The following SPARCL1 variants were observed in gnomAD, a reference collection of about 807,000 sequenced individuals.
SPARCL1 encodes the protein SPARC-like protein 1.
Under a neutral mutation model 67.1 loss-of-function variants are expected in SPARCL1, and 52 were observed. The observed-to-expected ratio is 0.78, with a 90% CI of 0.62 to 0.98. SPARCL1 has a LOEUF of 0.98. SPARCL1 is among the 50% of genes least tolerant of loss of function. SPARCL1 has a pLI of 0.00. For synonymous variants in SPARCL1, 226 were observed against 267.8 expected (o/e 0.84, Z 1.52); for missense variants, 717 against 782.4 (o/e 0.92, Z 1.00).
At chr4:87,504,135 T>TTGTGTGTGTGTGTGTG (rs70957258) in intron 1 of SPARCL1, among the ~76,000 whole-genome samples, 2 of 30,934 alleles carry the variant, frequency 6.5e-5, no homozygotes, top group Non-Finnish European at 1.4e-4. Context: ...TGATTTGGTA[T>TTGTGTGTGTGTGTGTG]TGTGTGTGTG....
intron 1 of SPARCL1, among the ~76,000 whole-genome samples, chr4:87,510,144 C>T (rs1378216250): frequency 6.6e-6 from 1 of 152,070 alleles, no homozygotes; most frequent in East Asian, 1.9e-4. Flanking sequence ...AATTATTTTA[C>T]TATTATCTAC....
chr4:87,514,634 A>G (rs1243689462), intron 1 of SPARCL1, among the ~76,000 whole-genome samples: 1 of 152,194 alleles, frequency 6.6e-6, no homozygotes. Flanking sequence ...GTGTTCTTCC[A>G]TTGTGTTCCA....
chr4:87,489,599 G>A (rs576169611), intron 7 of SPARCL1, among the ~76,000 whole-genome samples: 3 of 152,320 alleles, frequency 2.0e-5, no homozygotes, highest in African/African-American at 7.2e-5. Context: ...GTTTGTGGTG[G>A]CAAAGGAGCA....
chr4:87,518,885 C>G (rs1725689873), intron 1 of SPARCL1, among the ~76,000 whole-genome samples: 1 of 152,018 alleles, frequency 6.6e-6, no homozygotes, highest in Admixed American at 6.6e-5. Flanking sequence ...TGTTTGGTCC[C>G]CAGTAAAAGG....
At chr4:87,491,281 A>G (rs1157882125) in intron 5 of SPARCL1, among the ~76,000 whole-genome samples, 3 of 152,314 alleles carry the variant, frequency 2.0e-5, no homozygotes, top group African/African-American at 7.2e-5. Context: ...AAGGTCCTTT[A>G]TCAAGTATGG....
intron 1 of SPARCL1, among the ~76,000 whole-genome samples, chr4:87,507,457 T>A (rs1725129587): frequency 2.1e-5 from 1 of 47,592 alleles, no homozygotes; most frequent in Admixed American, 2.4e-4. Context: ...ACTAATCCAT[T>A]TTTTTTAAAT....
At chr4:87,492,157 C>T (rs978128724) in intron 4 of SPARCL1, among the ~76,000 whole-genome samples, 4 of 150,002 alleles carry the variant, frequency 2.7e-5, no homozygotes, top group African/African-American at 9.8e-5. Flanking sequence ...AGAAATGGAG[C>T]CTGTAATCCC....
chr4:87,508,600 A>C (rs1725208627), intron 1 of SPARCL1, among the ~76,000 whole-genome samples: 1 of 152,002 alleles, frequency 6.6e-6, no homozygotes, highest in South Asian at 2.1e-4. Flanking sequence ...AAGGTAGGTA[A>C]AGGCAGAGGA....
In SPARCL1 at chr4:87,494,969, T is replaced by C; in HGVS notation, c.201+12A>G. 1 of 1,587,046 alleles carries C rather than the reference T, an allele frequency of 6.3e-7. No homozygotes were observed. Among genetic ancestry groups the C allele is most frequent in the Non-Finnish European group, 8.5e-7 (1 of 1,169,732 alleles). ...TAAAAAATTGTATTAATATAAATGATGTTACTTTTACCTTATGGTGGGAAT... is the reference window on the plus strand; with the variant it reads ...TAAAAAATTGTATTAATATAAATGACGTTACTTTTACCTTATGGTGGGAAT... On this transcript the variant is annotated intron_variant, in intron 3 of 10. Transcript: ENST00000282470.
chr4:87,491,780 T>A, intron 4 of SPARCL1, 90 bp from the exon 5 acceptor site: 1 of 929,208 alleles, frequency 1.1e-6, no homozygotes, highest in Non-Finnish European at 1.8e-6. Flanking sequence ...TTCACGAGTA[T>A]TTTTCATGCT....
rs780987335 is a variant in SPARCL1, at chr4:87,480,382, G to T, written c.1807C>A (p.Pro603Thr). 29 of 1,599,948 alleles carry T rather than the reference G, an allele frequency of 1.8e-5. 1 individual carries two copies. In the South Asian group the frequency reaches 3.3e-4, roughly 18 times the overall value. ...HWQFSELDQH[P>T]MDRVLTHSEL... ...GTAAAGAGTTCTTACCTATCCATAGGGTGTTGGTCAAGTTCACTAAACTGC... is the reference window on the plus strand; with the variant it reads ...GTAAAGAGTTCTTACCTATCCATAGTGTGTTGGTCAAGTTCACTAAACTGC... Residue 603 changes from proline to threonine, a missense_variant, in exon 9 of 11, where the codon CCT becomes ACT. By Grantham distance (38) the Pro-to-Thr change is conservative. Transcript: ENST00000282470.
At chr4:87,477,985 A>G (rs1169486264) in intron 10 of SPARCL1, among the ~76,000 whole-genome samples, 1 of 152,216 alleles carries the variant, frequency 6.6e-6, no homozygotes, top group Non-Finnish European at 1.5e-5. Flanking sequence ...CCTATTTATT[A>G]ATAAGTAAAT....
At chr4:87,519,011 A>G (rs949051074) in intron 1 of SPARCL1, among the ~76,000 whole-genome samples, 5 of 152,040 alleles carry the variant, frequency 3.3e-5, no homozygotes, top group Non-Finnish European at 7.4e-5. Flanking sequence ...TTATTTACCT[A>G]TCATAAAGGT....
chr4:87,512,438 A>G (rs984972742), intron 1 of SPARCL1, among the ~76,000 whole-genome samples: 3 of 152,066 alleles, frequency 2.0e-5, no homozygotes, highest in African/African-American at 4.8e-5. Context: ...GCTTTGACCA[A>G]TGTGACATTA....
intron 1 of SPARCL1, among the ~76,000 whole-genome samples, chr4:87,500,022 A>T (rs1724782206): frequency 1.3e-5 from 2 of 152,226 alleles, no homozygotes; most frequent in African/African-American, 4.8e-5. Context: ...ATAGACCTAG[A>T]GGGTATTAAT....
rs569752217 is a variant in SPARCL1, at chr4:87,519,647, C to T, written c.-12+9398G>A. Among the ~76,000 whole-genome samples, 28 of 152,208 alleles carry T rather than the reference C, an allele frequency of 1.8e-4. 1 individual carries two copies. In the South Asian group the frequency reaches 5.0e-3, roughly 27 times the overall value. On this transcript the variant is annotated intron_variant, in intron 1 of 10. Transcript: ENST00000282470. The stretch of plus-strand genomic sequence containing the variant: ...ATTTGCAAATTTTTTTCCCTATAAG[C>T]TGCAAATACATATTTTACACACATT...
Position 87,474,743 on chromosome 4 carries a change from C to CTTTTTT in SPARCL1, c.1967-946_1967-941dup, listed in dbSNP as rs11397474. 1.8e-3 allele frequency among the ~76,000 whole-genome samples: 235 copies of CTTTTTT among 130,720 alleles called. 4 individuals are homozygous for CTTTTTT. The Middle Eastern group carries it at 0.02, about 11-fold the overall frequency. The allele number at this position is 130,720 out of a possible 152,430, so 85.8% of individuals were successfully genotyped here. On this transcript the variant is annotated intron_variant, in intron 10 of 10. Coordinates refer to ENST00000282470, the MANE Select transcript of SPARCL1 (RefSeq NM_004684.6). ...CATCTGTAAAGATTTCTCTCTCTCT[C>CTTTTTT]TTTTTTTTTTTTTTTTTGAGACGGA...
chr4:87,492,359 A>G (rs887473990), intron 4 of SPARCL1, among the ~76,000 whole-genome samples: 1 of 151,282 alleles, frequency 6.6e-6, no homozygotes, highest in African/African-American at 2.4e-5. Flanking sequence ...CAGAGGTTGC[A>G]GTGAGCCGAG....
In SPARCL1 at chr4:87,490,892, T is replaced by C. The variant is rs764214465; in HGVS notation, c.1292-14A>G. The C allele has an allele frequency of 6.8e-7, 1 of 1,470,368 alleles. No homozygotes were observed. The highest frequency in any genetic ancestry group is 9.4e-7 in the Non-Finnish European group (1 of 1,065,636). The allele number at this position is 1,470,368 out of a possible 1,614,324, so 91.1% of individuals were successfully genotyped here. ...TCATGCAAGAATCTAACAGAAAAGA[T>C]TGGGCAGGAAGCATGGACAAAGTTA... On this transcript the variant is annotated splice_polypyrimidine_tract_variant and intron_variant, in intron 5 of 10. Transcript: ENST00000282470.
Sources: gnomAD v4.1 joint callset for allele counts (sites outside exome capture counted in the v4.1 genomes callset) on GRCh38, gnomAD v4.1.1 for gene constraint, MANE v1.5 for transcripts, NCBI Gene and HGNC (gene_info 2026-07-23, HGNC 2026-07-21) for gene names.